The following PCDHA7 variants were observed in gnomAD, a reference collection of about 807,000 sequenced individuals.
The protein encoded by PCDHA7 is protocadherin alpha 7.
Under a neutral mutation model 57.2 loss-of-function variants are expected in PCDHA7, and 37 were observed. The observed-to-expected ratio is 0.65, with a 90% CI of 0.50 to 0.85. The LOEUF (loss-of-function observed/expected upper bound fraction) is 0.85. PCDHA7 is among the 40% of genes least tolerant of loss of function. The pLI, the probability that PCDHA7 is intolerant of heterozygous loss-of-function variation, is 0.00. For synonymous variants in PCDHA7, 553 were observed against 558.8 expected (o/e 0.99, Z 0.15); for missense variants, 1,188 against 1,241.8 (o/e 0.96, Z 0.65).
intron 2 of PCDHA7, among the ~76,000 whole-genome samples, chr5:140,982,179 T>C (rs950269342): frequency 6.6e-6 from 1 of 152,396 alleles, no homozygotes. Flanking sequence ...CTTAGTCCTC[T>C]GATGGGCTTC....
intron 3 of PCDHA7, among the ~76,000 whole-genome samples, chr5:140,994,127 A>T (rs536865883): frequency 6.6e-6 from 1 of 152,348 alleles, no homozygotes; most frequent in South Asian, 2.1e-4. Flanking sequence ...GATAAGGGCG[A>T]CAATAATGCC....
At chr5:140,929,379 GT>G (rs1554207046) in intron 1 of PCDHA7, 1 of 1,513,346 alleles carries the variant, frequency 6.6e-7, no homozygotes, top group African/African-American at 1.4e-5. Context: ...GCTGCTAGCT[GT>G]GTTTTGAAAT....
At chr5:140,938,002 G>A (rs1396127552) in intron 1 of PCDHA7, among the ~76,000 whole-genome samples, 1 of 151,938 alleles carries the variant, frequency 6.6e-6, no homozygotes, top group Non-Finnish European at 1.5e-5. Context: ...TGTATCCAAT[G>A]TTCTTGCTAA....
intron 1 of PCDHA7, chr5:140,875,529 G>A: frequency 1.2e-6 from 2 of 1,614,112 alleles, no homozygotes; most frequent in South Asian, 1.1e-5. Context: ...TCTCGCTTCT[G>A]CTCCTTGCAG....
At chr5:140,870,860 C>A (rs782404408) in intron 1 of PCDHA7, 6 of 1,613,882 alleles carry the variant, frequency 3.7e-6, no homozygotes, top group Non-Finnish European at 2.5e-6. Context: ...TCGGTGGGTG[C>A]GGGCCACGTG....
intron 1 of PCDHA7, chr5:140,927,113 A>G (rs782135853): frequency 1.9e-6 from 3 of 1,613,684 alleles, no homozygotes; most frequent in African/African-American, 1.3e-5. Context: ...CCCAGCGGCA[A>G]TTTGGTGGTC....
rs2150242433 is a variant in PCDHA7, at chr5:140,835,703, C to G, written c.1320C>G (p.Ser440Arg). The change falls in exon 1 of 4, where the codon AGC becomes AGG. Residue 440 changes from serine (S) to arginine (R), a missense_variant. Around this residue, in one of 3 missense-constraint regions of PCDHA7, gnomAD observed 892 missense variants for 788.5 expected, o/e 1.13. Coordinates refer to ENST00000525929, the MANE Select transcript of PCDHA7 (RefSeq NM_018910.3). ...GGSPSLWATA[S>R]VSVEVADVND... ...CGCCTTCTCTGTGGGCCACTGCTAG[C>G]GTGTCCGTGGAGGTGGCCGACGTGA... The G allele has an allele frequency of 1.5e-5, 25 of 1,613,782 alleles. No homozygotes were observed. Among genetic ancestry groups the G allele is most frequent in the African/African-American group, 6.7e-5 (5 of 74,932 alleles).
At chr5:140,937,736 C>T (rs778178538) in intron 1 of PCDHA7, among the ~76,000 whole-genome samples, 84 of 151,896 alleles carry the variant, frequency 5.5e-4, no homozygotes, top group Non-Finnish European at 1.1e-3. Context: ...CACGGTGAAA[C>T]CCCGTCTCTA....
At chr5:140,883,303 T>C in intron 1 of PCDHA7, 3 of 1,614,096 alleles carry the variant, frequency 1.9e-6, no homozygotes, top group Non-Finnish European at 2.5e-6. Flanking sequence ...ATGTAAATGA[T>C]AACGCCCCAG....
rs1554143112 is a variant in PCDHA7 at position 140,849,624 on chromosome 5, C to G, written c.2355+12886C>G. ...TATTGCCCTGATTAGTGTGATCGAC[C>G]TAGACGCAGATGCCAACGGGCAGGT... is the stretch of plus-strand genomic sequence containing the variant. On this transcript the variant is annotated intron_variant, in intron 1 of 3. Transcript: ENST00000525929. 3.1e-6 allele frequency: 5 copies of G among 1,598,656 alleles called. No individual in the cohort carries two copies. The African/African-American group carries it at 6.7e-5, about 21-fold the overall frequency.
chr5:140,857,481 C>G (rs1554150087), intron 1 of PCDHA7: 1 of 1,598,530 alleles, frequency 6.3e-7, no homozygotes, highest in Non-Finnish European at 8.6e-7. Flanking sequence ...ACGGTGTCTG[C>G]GTGGGACGCG....
At chr5:140,869,484 C>T (rs782167038) in intron 1 of PCDHA7, 2 of 1,613,948 alleles carry the variant, frequency 1.2e-6, no homozygotes, top group South Asian at 2.2e-5. Flanking sequence ...AGGACATTAA[C>T]GACAACCCGC....
chr5:140,946,294 A>G (rs529202868), intron 1 of PCDHA7, among the ~76,000 whole-genome samples: 1 of 152,056 alleles, frequency 6.6e-6, no homozygotes, highest in Admixed American at 6.5e-5. Flanking sequence ...ATCACCTCAC[A>G]CCTGGTAGAA....
chr5:140,866,444 T>G (rs1399450824), intron 1 of PCDHA7: 1 of 152,130 alleles, frequency 6.6e-6, no homozygotes, highest in African/African-American at 2.4e-5. Context: ...TTCTTCAGTC[T>G]TATTGTTGGC....
chr5:140,851,081 A>G, intron 1 of PCDHA7: 1 of 1,303,802 alleles, frequency 7.7e-7, no homozygotes, highest in Non-Finnish European at 1.0e-6. Flanking sequence ...TATAAACTGT[A>G]TATTAAATAG....
intron 1 of PCDHA7, among the ~76,000 whole-genome samples, chr5:140,915,626 G>GTCTCTC (rs57920489): frequency 0.011 from 1,557 of 146,506 alleles, 25 homozygotes; most frequent in African/African-American, 0.018. Flanking sequence ...GTCTCTTTCT[G>GTCTCTC]TCTCTCTCTC....
intron 1 of PCDHA7, chr5:140,856,495 T>C: frequency 6.3e-7 from 1 of 1,598,444 alleles, no homozygotes; most frequent in South Asian, 1.1e-5. Context: ...TGCTTGACTC[T>C]CGATTTCCAC....
chr5:140,902,846 A>C (rs1119032), intron 1 of PCDHA7, among the ~76,000 whole-genome samples: 2 of 152,088 alleles, frequency 1.3e-5, no homozygotes, highest in African/African-American at 2.4e-5. Context: ...CTTCACTTAG[A>C]AAAATGGCGT....
intron 1 of PCDHA7, among the ~76,000 whole-genome samples, chr5:140,921,063 T>G (rs1054649837): frequency 6.6e-6 from 1 of 152,078 alleles, no homozygotes; most frequent in Admixed American, 6.6e-5. Context: ...CACTCTAACC[T>G]TGAACTCTTG....
Sources: gnomAD v4.1 joint callset for allele counts (sites outside exome capture counted in the v4.1 genomes callset) on GRCh38, gnomAD v4.1.1 for gene constraint, gnomAD v4.1.1 regional missense constraint, MANE v1.5 for transcripts, NCBI Gene and HGNC (gene_info 2026-07-23, HGNC 2026-07-21) for gene names.